Variants in CASQ2 observed in about 807,000 individuals in gnomAD.
CASQ2 encodes calsequestrin-2.
A neutral mutation model predicts 46.5 loss-of-function variants in CASQ2; 49 were observed. The ratio of observed to expected loss-of-function variants is 1.05; its 90% CI spans 0.84 to 1.34. The LOEUF is 1.34. Among genes scored for constraint, CASQ2 ranks in the 40% most tolerant of loss-of-function variants. The pLI is 0.00. For missense variants in CASQ2, 486 were observed against 481.3 expected (o/e 1.01, Z -0.09); for synonymous variants, 174 against 168.5 (o/e 1.03, Z -0.25).
At chr1:115,735,882 C>A (rs6677074) in intron 4 of CASQ2, among the ~76,000 whole-genome samples, 69,585 of 152,094 alleles carry the variant, frequency 0.46, 16,104 homozygotes, top group South Asian at 0.54. Context: ...AAAGAGCAGG[C>A]CGGACGTAGT....
intron 3 of CASQ2, among the ~76,000 whole-genome samples, chr1:115,738,990 G>A (rs996683462): frequency 1.4e-4 from 20 of 146,660 alleles, no homozygotes; most frequent in Admixed American, 4.2e-4. Flanking sequence ...GTCTTTCTGT[G>A]CCTAGCTTAT....
chr1:115,726,875 A>C, intron 6 of CASQ2, 117 bp downstream of exon 6: 1 of 766,894 alleles, frequency 1.3e-6, no homozygotes, highest in Non-Finnish European at 2.3e-6. Flanking sequence ...TGAGTTCTGT[A>C]CTGCTGGGGT....
intron 2 of CASQ2, among the ~76,000 whole-genome samples, chr1:115,743,718 T>C (rs1648277279): frequency 1.3e-5 from 2 of 149,798 alleles, no homozygotes; most frequent in African/African-American, 4.9e-5. Context: ...TACTTACTAC[T>C]CCAAATCCAA....
chr1:115,726,626 C>T (rs772134244), intron 6 of CASQ2, among the ~76,000 whole-genome samples: 2 of 152,178 alleles, frequency 1.3e-5, no homozygotes, highest in Non-Finnish European at 2.9e-5. Context: ...AATAATTACT[C>T]CCTAAGGTTG....
chr1:115,729,518 A>G (rs2101081996), intron 5 of CASQ2, among the ~76,000 whole-genome samples: 1 of 152,344 alleles, frequency 6.6e-6, no homozygotes, highest in Non-Finnish European at 1.5e-5. Context: ...AGCATTATAT[A>G]AGAATGAATT....
At chr1:115,746,832 A>T (rs1303214813) in intron 1 of CASQ2, among the ~76,000 whole-genome samples, 1 of 152,134 alleles carries the variant, frequency 6.6e-6, no homozygotes, top group Non-Finnish European at 1.5e-5. Flanking sequence ...TAGGGTACAC[A>T]GTGATGTTTT....
chr1:115,754,229 G>T (rs779257386), intron 1 of CASQ2, among the ~76,000 whole-genome samples: 3 of 152,166 alleles, frequency 2.0e-5, no homozygotes, highest in Non-Finnish European at 2.9e-5. Context: ...ATGAAGGGAC[G>T]GCTATTTTAT....
intron 3 of CASQ2, 92 bp downstream of exon 3, chr1:115,740,636 G>A (rs1453472254): frequency 1.2e-6 from 1 of 843,472 alleles, no homozygotes; most frequent in Non-Finnish European, 2.0e-6. Context: ...ATGAGGCCAG[G>A]TTCTCCAGCT....
chr1:115,711,076 G>A (rs1557787109), intron 8 of CASQ2, among the ~76,000 whole-genome samples: 1 of 152,196 alleles, frequency 6.6e-6, no homozygotes, highest in Non-Finnish European at 1.5e-5. Context: ...CAGGTCCACA[G>A]CATGCAGCCT....
At chr1:115,711,123 T>C (rs1166022626) in intron 8 of CASQ2, among the ~76,000 whole-genome samples, 1 of 152,258 alleles carries the variant, frequency 6.6e-6, no homozygotes, top group South Asian at 2.1e-4. Flanking sequence ...GCCCCACTCC[T>C]GGGGGAGCTG....
In CASQ2 at chr1:115,700,654, G is replaced by A. The variant is rs1654177725; in HGVS notation, c.*587C>T. Reference sequence around the variant, plus strand: ...AGGCTTGAATATCCAAGTTCATAGTGATATGAATGACCATCACTTGAAATA... The same window carrying A: ...AGGCTTGAATATCCAAGTTCATAGTAATATGAATGACCATCACTTGAAATA... On this transcript the variant is annotated 3_prime_UTR_variant, in exon 11 of 11. Coordinates refer to ENST00000261448, the MANE Select transcript of CASQ2 (RefSeq NM_001232.4). 4.7e-6 allele frequency: 1 copy of A among 212,980 alleles called. No homozygotes were observed. Among genetic ancestry groups the A allele is most frequent in the Non-Finnish European group, 9.4e-6 (1 of 106,504 alleles). The allele number at this position is 212,980 out of a possible 1,614,324, so 13.2% of individuals were successfully genotyped here.
At chr1:115,767,408 A>G (rs1168267398) in intron 1 of CASQ2, among the ~76,000 whole-genome samples, 1 of 152,230 alleles carries the variant, frequency 6.6e-6, no homozygotes, top group Non-Finnish European at 1.5e-5. Flanking sequence ...TAATCCTATT[A>G]AACTATTTCA....
intron 1 of CASQ2, among the ~76,000 whole-genome samples, chr1:115,766,625 A>C (rs1649139961): frequency 1.3e-5 from 2 of 152,178 alleles, no homozygotes; most frequent in African/African-American, 4.8e-5. Flanking sequence ...AGATATCCTG[A>C]CTTCAAGGTC....
At position 115,726,897 on chromosome 1, in the gene CASQ2, T is replaced by G. The variant is rs1392453499; in HGVS notation, c.737+95A>C. On this transcript the variant is annotated intron_variant, in intron 6 of 10. Coordinates refer to ENST00000261448, the MANE Select transcript of CASQ2 (RefSeq NM_001232.4). ...TGTACTGCTGGGGTACTAACTAGGTTGTTGCTCTTGGCAGGTCTGAAATGT... is the reference window on the plus strand; with the variant it reads ...TGTACTGCTGGGGTACTAACTAGGTGGTTGCTCTTGGCAGGTCTGAAATGT... 5 of 958,040 alleles carry G rather than the reference T, an allele frequency of 5.2e-6. No individual in the cohort carries two copies. In the East Asian group the frequency reaches 1.3e-4, roughly 25 times the overall value. 59.3% of individuals were successfully genotyped at this position (958,040 alleles called of 1,614,324 possible).
chr1:115,742,270 T>A (rs1557798677), intron 2 of CASQ2, among the ~76,000 whole-genome samples: 1 of 152,006 alleles, frequency 6.6e-6, no homozygotes, highest in African/African-American at 2.4e-5. Flanking sequence ...AGACACCGTG[T>A]CTGGCCCTGC....
rs180956898 is a variant in CASQ2, at chr1:115,768,563, G to A, written c.-22C>T. 2.5e-5 allele frequency: 37 copies of A among 1,503,844 alleles called. No homozygotes were observed. The highest frequency in any genetic ancestry group is 1.8e-4 in the South Asian group (16 of 88,474). 93.2% of individuals were successfully genotyped at this position (1,503,844 alleles called of 1,614,324 possible). On this transcript the variant is annotated 5_prime_UTR_variant, in exon 1 of 11. It adds an upstream start codon to the 5' untranslated region. Transcript: ENST00000261448. Reference sequence around the variant, plus strand: ...TCATTTGGGAAAACTTTTGTTTCTCGTTCCCAAATATGCTGTGTGCAGAAT... The same window carrying A: ...TCATTTGGGAAAACTTTTGTTTCTCATTCCCAAATATGCTGTGTGCAGAAT...
intron 7 of CASQ2, among the ~76,000 whole-genome samples, chr1:115,723,183 C>T (rs561761316): frequency 7.2e-5 from 11 of 152,078 alleles, no homozygotes; most frequent in Admixed American, 2.6e-4. Flanking sequence ...GGACAACTGG[C>T]CAATTTGAAT....
At chr1:115,756,630 T>C (rs1648770655) in intron 1 of CASQ2, among the ~76,000 whole-genome samples, 1 of 152,202 alleles carries the variant, frequency 6.6e-6, no homozygotes, top group Non-Finnish European at 1.5e-5. Context: ...TTTCATGGTA[T>C]CTCACGTCCC....
chr1:115,745,936 C>A (rs1380226887), intron 1 of CASQ2, among the ~76,000 whole-genome samples: 3 of 152,184 alleles, frequency 2.0e-5, no homozygotes, highest in Non-Finnish European at 4.4e-5. Flanking sequence ...TCCACCACCA[C>A]AAGGATCGCT....
Sources: gnomAD v4.1 joint callset for allele counts (sites outside exome capture counted in the v4.1 genomes callset) on GRCh38, gnomAD v4.1.1 for gene constraint, MANE v1.5 for transcripts, NCBI Gene and HGNC (gene_info 2026-07-23, HGNC 2026-07-21) for gene names.